IQCM: variants seen among roughly 807,000 people sequenced by gnomAD.
The protein encoded by IQCM is IQ motif containing M.
Under a neutral mutation model 57.6 loss-of-function variants are expected in IQCM, and 45 were observed. The ratio of observed to expected loss-of-function variants is 0.78; its 90% CI spans 0.62 to 1.00. The LOEUF is 1.00. Ranked by LOEUF, IQCM falls within the 50% of genes least tolerant of loss-of-function variation. IQCM has a pLI of 0.00. For synonymous variants in IQCM, 148 were observed against 158.9 expected (o/e 0.93, Z 0.51); for missense variants, 468 against 511.6 (o/e 0.91, Z 0.82).
intron 7 of IQCM, among the ~76,000 whole-genome samples, chr4:149,663,348 G>C (rs1760394600): frequency 6.6e-6 from 1 of 151,754 alleles, no homozygotes; most frequent in South Asian, 2.1e-4. Flanking sequence ...TAGAGCACTG[G>C]GGTATTCTGA....
intron 7 of IQCM, among the ~76,000 whole-genome samples, chr4:149,642,423 A>G (rs1758274951): frequency 6.6e-6 from 1 of 152,186 alleles, no homozygotes; most frequent in Non-Finnish European, 1.5e-5. Flanking sequence ...GATTCTTCGA[A>G]TAGTTGCTAT....
At chr4:149,646,984 C>A (rs1012611849) in intron 7 of IQCM, among the ~76,000 whole-genome samples, 5 of 152,148 alleles carry the variant, frequency 3.3e-5, no homozygotes, top group African/African-American at 1.2e-4. Context: ...AACTCCATCT[C>A]CAAAAATAAT....
At chr4:149,481,438 C>A (rs910640559) in intron 12 of IQCM, among the ~76,000 whole-genome samples, 1 of 151,796 alleles carries the variant, frequency 6.6e-6, no homozygotes, top group African/African-American at 2.4e-5. Context: ...TTGTATAGAG[C>A]AAGTAATAGG....
rs549843673 is a variant in IQCM at position 149,598,327 on chromosome 4, G to A, written c.682-10330C>T. 8.0e-4 allele frequency among the ~76,000 whole-genome samples: 121 copies of A among 152,068 alleles called. 1 individual carries two copies. The highest frequency in any genetic ancestry group is 1.5e-3 in the Non-Finnish European group (104 of 68,012). On this transcript the variant is annotated intron_variant, in intron 8 of 13. Transcript: ENST00000636793. Reference sequence around the variant, plus strand: ...CTAGAAGTTAAGTCAATCTACCATCGTTGTGTGGAATAAGAAAGTAGGGAG... The same window carrying A: ...CTAGAAGTTAAGTCAATCTACCATCATTGTGTGGAATAAGAAAGTAGGGAG...
chr4:149,810,040 TC>T (rs1774417588), intron 2 of IQCM, among the ~76,000 whole-genome samples: 1 of 152,078 alleles, frequency 6.6e-6, no homozygotes, highest in South Asian at 2.1e-4. Context: ...TATCTCCAAC[TC>T]CTCCCTCGGT....
chr4:149,759,162 G>GA (rs1437828291), intron 2 of IQCM, among the ~76,000 whole-genome samples: 2 of 152,142 alleles, frequency 1.3e-5, no homozygotes, highest in African/African-American at 4.8e-5. Context: ...AAGCTAATCT[G>GA]AAAAAGCTAC....
At chr4:149,546,261 A>T (rs1748410541) in intron 12 of IQCM, among the ~76,000 whole-genome samples, 1 of 152,232 alleles carries the variant, frequency 6.6e-6, no homozygotes, top group Admixed American at 6.5e-5. Flanking sequence ...TATTGTGAAT[A>T]GTGCCACAAT....
intron 7 of IQCM, among the ~76,000 whole-genome samples, chr4:149,640,094 C>A (rs1384812893): frequency 6.6e-6 from 1 of 152,060 alleles, no homozygotes; most frequent in Non-Finnish European, 1.5e-5. Context: ...TACTGAGAAT[C>A]AAAATTCTTG....
chr4:149,708,675 T>C (rs918970197), intron 5 of IQCM, among the ~76,000 whole-genome samples: 3 of 152,058 alleles, frequency 2.0e-5, no homozygotes, highest in Admixed American at 1.3e-4. Flanking sequence ...CTCTTAGCTT[T>C]CCTCACATTG....
intron 12 of IQCM, among the ~76,000 whole-genome samples, chr4:149,525,556 T>A (rs1746075131): frequency 6.6e-6 from 1 of 151,882 alleles, no homozygotes; most frequent in African/African-American, 2.4e-5. Context: ...TAAATGATAT[T>A]GATATACACA....
chr4:149,535,797 G>C (rs1747233905), intron 12 of IQCM, among the ~76,000 whole-genome samples: 1 of 151,984 alleles, frequency 6.6e-6, no homozygotes, highest in Non-Finnish European at 1.5e-5. Flanking sequence ...TTACTAATTG[G>C]AGTAACAACT....
At chr4:149,722,194 G>A (rs1380368412) in intron 5 of IQCM, among the ~76,000 whole-genome samples, 3 of 152,002 alleles carry the variant, frequency 2.0e-5, no homozygotes, top group Admixed American at 6.6e-5. Flanking sequence ...CTGGATATTA[G>A]CCCTTTGTCA....
At chr4:149,784,543 G>A (rs1561272153) in intron 2 of IQCM, among the ~76,000 whole-genome samples, 1 of 152,132 alleles carries the variant, frequency 6.6e-6, no homozygotes, top group Non-Finnish European at 1.5e-5. Flanking sequence ...AGCCTCCCGA[G>A]TAGCTGGGAC....
intron 2 of IQCM, among the ~76,000 whole-genome samples, chr4:149,784,992 G>T (rs992365998): frequency 6.6e-6 from 1 of 152,114 alleles, no homozygotes; most frequent in Non-Finnish European, 1.5e-5. Flanking sequence ...TGACACTGAA[G>T]AAATTAGAGG....
chr4:149,726,069 CT>C (rs1765864727), intron 5 of IQCM, among the ~76,000 whole-genome samples: 2 of 68,962 alleles, frequency 2.9e-5, no homozygotes, highest in Admixed American at 3.3e-4. Flanking sequence ...TCTCTTCCCT[CT>C]AAAAGAAAGA....
intron 13 of IQCM, among the ~76,000 whole-genome samples, chr4:149,361,435 C>T (rs1386431603): frequency 1.3e-5 from 2 of 152,200 alleles, no homozygotes; most frequent in African/African-American, 4.8e-5. Flanking sequence ...ATGGCAGCCC[C>T]TCCCATCACA....
chr4:149,622,405 C>T (rs888413228), intron 7 of IQCM, among the ~76,000 whole-genome samples: 9 of 147,812 alleles, frequency 6.1e-5, no homozygotes, highest in South Asian at 2.1e-4. Flanking sequence ...TGCAGTGGTG[C>T]GATCTCGGCT....
chr4:149,763,314 A>G (rs1411806393), intron 2 of IQCM, among the ~76,000 whole-genome samples: 1 of 152,128 alleles, frequency 6.6e-6, no homozygotes, highest in Non-Finnish European at 1.5e-5. Flanking sequence ...TCCCAAATCC[A>G]GATATGGTGA....
chr4:149,683,261 T>C (rs1040464773), intron 6 of IQCM, among the ~76,000 whole-genome samples: 1 of 151,256 alleles, frequency 6.6e-6, no homozygotes, highest in Non-Finnish European at 1.5e-5. Context: ...TGAACATTTA[T>C]ATTTGTGCAC....
Sources: gnomAD v4.1 joint callset for allele counts (sites outside exome capture counted in the v4.1 genomes callset) on GRCh38, gnomAD v4.1.1 for gene constraint, MANE v1.5 for transcripts, NCBI Gene and HGNC (gene_info 2026-07-23, HGNC 2026-07-21) for gene names.